PPP1R21: variants seen among roughly 807,000 people sequenced by gnomAD.
The protein encoded by PPP1R21 is KLRAQ motif containing 1.
A neutral mutation model predicts 112.8 loss-of-function variants in PPP1R21; 85 were observed. The ratio of observed to expected loss-of-function variants is 0.75; its 90% confidence interval spans 0.63 to 0.90. The LOEUF is 0.90. Ranked by LOEUF, PPP1R21 falls within the 40% of genes least tolerant of loss-of-function variation. PPP1R21 has a pLI of 0.00. For synonymous variants in PPP1R21, 381 were observed against 322.3 expected (o/e 1.18, Z -1.95); for missense variants, 1,199 against 901.5 (o/e 1.33, Z -4.23).
In PPP1R21 at chr2:48,459,184, C is replaced by G. The variant is rs1423576797; in HGVS notation, c.376-570C>G. ...TTTTGGTCAAATGGTAGGAAACACA[C>G]ACACACACACACAAACAGACACGCT... On this transcript the variant is annotated intron_variant, in intron 4 of 21. Transcript: ENST00000294952. Among the ~76,000 whole-genome samples the G allele has an allele frequency of 4.6e-5, 7 of 150,894 alleles. No individual in the cohort carries two copies. The East Asian group carries it at 1.4e-3, about 29-fold the overall frequency.
chr2:48,452,143 A>G (rs1426209610), intron 2 of PPP1R21, among the ~76,000 whole-genome samples: 1 of 152,204 alleles, frequency 6.6e-6, no homozygotes, highest in East Asian at 1.9e-4. Context: ...TCTCCAAATG[A>G]TATTTAAACT....
chr2:48,512,277 A>G (rs765829885), intron 21 of PPP1R21, among the ~76,000 whole-genome samples: 1 of 152,180 alleles, frequency 6.6e-6, no homozygotes, highest in African/African-American at 2.4e-5. Context: ...ATGCATATCC[A>G]CATACCGTGT....
chr2:48,459,986 CTTAGAG>C, intron 5 of PPP1R21, 68 bp downstream of exon 5: 3 of 1,590,888 alleles, frequency 1.9e-6, no homozygotes, highest in Non-Finnish European at 2.6e-6. Flanking sequence ...TGTCTATCCA[CTTAGAG>C]TTAGTCATTT....
chr2:48,461,735 T>C, intron 7 of PPP1R21, among the ~76,000 whole-genome samples: 1 of 152,150 alleles, frequency 6.6e-6, no homozygotes, highest in East Asian at 1.9e-4. Flanking sequence ...AAATACTACT[T>C]TACATGTGTA....
intron 1 of PPP1R21, 182 bp downstream of exon 1, chr2:48,441,192 C>G: frequency 3.3e-6 from 2 of 613,808 alleles, no homozygotes; most frequent in Non-Finnish European, 5.9e-6. Flanking sequence ...GAGATGGGGC[C>G]GGGCGGTGTC....
intron 16 of PPP1R21, among the ~76,000 whole-genome samples, chr2:48,497,463 C>T (rs1669898020): frequency 6.6e-6 from 1 of 152,136 alleles, no homozygotes; most frequent in Admixed American, 6.5e-5. Context: ...CCTTCTAGCA[C>T]TATAGATTAG....
intron 15 of PPP1R21, among the ~76,000 whole-genome samples, chr2:48,491,929 A>G (rs1310830165): frequency 6.6e-6 from 1 of 152,194 alleles, no homozygotes; most frequent in Non-Finnish European, 1.5e-5. Context: ...GAGCAGGACT[A>G]CTTATAGACA....
rs1669952193 is a variant in PPP1R21, at chr2:48,498,511, A to G, written c.1711A>G (p.Lys571Glu). The G allele has an allele frequency of 6.2e-7, 1 of 1,614,176 alleles. No individual in the cohort carries two copies. Among genetic ancestry groups the G allele is most frequent in the Non-Finnish European group, 8.5e-7 (1 of 1,180,002 alleles). ...LAQQVQQSLE[K>E]ISKLEQEKEH... ...TTTCAAGGTTCAACAGAGTTTGGAA[A>G]AGATTTCTAAACTGGAGCAGGAAAA... The change falls in exon 17 of 22, where the codon AAG becomes GAG. Residue 571 changes from lysine (K) to glutamate (E), a missense_variant. Physicochemically the swap from Lys to Glu is moderately conservative, Grantham distance 56. Coordinates refer to ENST00000294952, the MANE Select transcript of PPP1R21 (RefSeq NM_001135629.3).
intron 9 of PPP1R21, among the ~76,000 whole-genome samples, chr2:48,468,198 A>G (rs1283503621): frequency 6.6e-6 from 1 of 152,218 alleles, no homozygotes; most frequent in African/African-American, 2.4e-5. Context: ...AGGTAAGCGT[A>G]TTTGAGGATT....
chr2:48,481,861 A>G (rs1048770574), intron 13 of PPP1R21, among the ~76,000 whole-genome samples: 1 of 152,216 alleles, frequency 6.6e-6, no homozygotes, highest in African/African-American at 2.4e-5. Context: ...AAAATTCCGC[A>G]CTTGCCCTCA....
chr2:48,452,022 C>A (rs913647460), intron 2 of PPP1R21, among the ~76,000 whole-genome samples: 3 of 152,224 alleles, frequency 2.0e-5, no homozygotes, highest in Non-Finnish European at 4.4e-5. Context: ...CCCACCCATA[C>A]TTCCAGGCTC....
intron 12 of PPP1R21, among the ~76,000 whole-genome samples, chr2:48,475,835 G>A (rs932907278): frequency 2.6e-5 from 4 of 151,164 alleles, no homozygotes; most frequent in African/African-American, 7.3e-5. Context: ...CAGCAATAGC[G>A]AAACTGTCTC....
chr2:48,465,026 A>G (rs375860656), intron 8 of PPP1R21, 37 bp downstream of exon 8: 38 of 1,501,874 alleles, frequency 2.5e-5, no homozygotes, highest in East Asian at 7.3e-5. Context: ...TTTCAGTTAT[A>G]TATACATCAG....
At chr2:48,499,873 A>G (rs905100787) in intron 17 of PPP1R21, among the ~76,000 whole-genome samples, 1 of 152,244 alleles carries the variant, frequency 6.6e-6, no homozygotes, top group East Asian at 1.9e-4. Context: ...AAAATTAGGA[A>G]AATCTAGAAA....
chr2:48,490,719 A>C (rs1053425565), intron 14 of PPP1R21, among the ~76,000 whole-genome samples: 1 of 152,228 alleles, frequency 6.6e-6, no homozygotes, highest in Non-Finnish European at 1.5e-5. Context: ...TAAAGAGCTC[A>C]TGAAAGTCAC....
At chr2:48,471,518 TG>T in intron 11 of PPP1R21, 151 bp downstream of exon 11, 1 of 723,630 alleles carries the variant, frequency 1.4e-6, no homozygotes, top group Non-Finnish European at 2.2e-6. Context: ...AGGAAAAGCA[TG>T]GTTGAGCAGC....
At position 48,465,059 on chromosome 2, in the gene PPP1R21, TTG is replaced by T. The variant is rs533942961; in HGVS notation, c.747+74_747+75del. ...CAGACTTTCCAGAAACAAGAATTAGTTGTGTTTGGACCTCTGTTTAGTGCATT... is the reference window on the plus strand; with the variant it reads ...CAGACTTTCCAGAAACAAGAATTAGTTGTTTGGACCTCTGTTTAGTGCATT... On this transcript the variant is annotated intron_variant, in intron 8 of 21. Transcript: ENST00000294952. The T allele has an allele frequency of 1.7e-4, 220 of 1,266,296 alleles. No individual in the cohort carries two copies. The African/African-American group carries it at 3.2e-3, about 18-fold the overall frequency. 78.4% of individuals were successfully genotyped at this position (1,266,296 alleles called of 1,614,324 possible).
chr2:48,488,813 A>C (rs567299861), intron 14 of PPP1R21, among the ~76,000 whole-genome samples: 220 of 152,352 alleles, frequency 1.4e-3, no homozygotes, highest in African/African-American at 4.9e-3. Context: ...ACCTAATTTT[A>C]CAGTTTGTAA....
chr2:48,476,826 A>G (rs1668777672), intron 12 of PPP1R21, among the ~76,000 whole-genome samples: 1 of 152,110 alleles, frequency 6.6e-6, no homozygotes, highest in South Asian at 2.1e-4. Context: ...AGAGTTCTTT[A>G]TGTATTATAC....
Sources: gnomAD v4.1 joint callset for allele counts (sites outside exome capture counted in the v4.1 genomes callset) on GRCh38, gnomAD v4.1.1 for gene constraint, MANE v1.5 for transcripts, NCBI Gene and HGNC (gene_info 2026-07-23, HGNC 2026-07-21) for gene names.